Variants in PPCS observed in about 807,000 individuals in gnomAD.
PPCS encodes the protein phosphopantothenoylcysteine synthetase.
In PPCS, 17 loss-of-function variants were observed where a neutral mutation model predicts 24.6. The ratio of observed to expected loss-of-function variants is 0.69; its 90% CI spans 0.47 to 1.04. The LOEUF is 1.04. PPCS is among the 50% of genes least tolerant of loss of function. The probability of loss-of-function intolerance (pLI) is 0.00; values close to 1 mark genes in which losing one functional copy is unlikely to be tolerated. For missense variants in PPCS, 360 were observed against 402.8 expected (o/e 0.89, Z 0.91); for synonymous variants, 190 against 168.3 (o/e 1.13, Z -1.00).
rs565544066 is a variant in PPCS, at chr1:42,457,318, C to T, written c.580C>T (p.His194Tyr). 2 of 1,614,166 alleles carry T rather than the reference C, an allele frequency of 1.2e-6. No homozygotes were observed. The highest frequency in any genetic ancestry group is 1.7e-5 in the Admixed American group (1 of 60,028). The change falls in exon 2 of 3, where the codon CAC (histidine) becomes TAC (tyrosine). Residue 194 changes from histidine to tyrosine, a missense_variant. Physicochemically the swap from His to Tyr is moderately conservative, Grantham distance 83. Transcript: ENST00000372561. The stretch of plus-strand genomic sequence containing the variant: ...TGTTCCTGTCTCTGAAATGCCTGAA[C>T]ACAAGATCCAGTCATCTGGGGGCCC... ...FYVPVSEMPEHKIQSSGGPLQ... is the reference protein window; with the variant it reads ...FYVPVSEMPEYKIQSSGGPLQ...
At chr1:42,471,245 A>G (rs1258671094) in intron 2 of PPCS, among the ~76,000 whole-genome samples, 1 of 152,146 alleles carries the variant, frequency 6.6e-6, no homozygotes, top group African/African-American at 2.4e-5. Flanking sequence ...GTATTTTCCA[A>G]TATCCTGATC....
downstream of PPCS, among the ~76,000 whole-genome samples, chr1:42,465,015 GA>G (rs1185190611): frequency 6.6e-6 from 1 of 152,082 alleles, no homozygotes; most frequent in Non-Finnish European, 1.5e-5. Flanking sequence ...CCTAACTCTT[GA>G]AAAAAGTGTT....
rs755339358 is a variant in PPCS at position 42,459,832 on chromosome 1, C to A, written c.842C>A (p.Ser281Ter). ...TKDSETKLLL[S>*]EEEIEKGVEI... ...GACTCGGAAACCAAGTTATTGCTAT[C>A]AGAGGAAGAAATAGAAAAAGGCGTA... Residue 281 changes from serine (S) to a stop codon, truncating the protein, a stop_gained, in exon 3 of 3, where the codon TCA becomes TAA. Transcript: ENST00000372561. LOFTEE classifies it high-confidence loss of function. The A allele has an allele frequency of 6.2e-7, 1 of 1,614,040 alleles. No individual in the cohort carries two copies. Among genetic ancestry groups the A allele is most frequent in the South Asian group, 1.1e-5 (1 of 91,068 alleles).
In PPCS at chr1:42,460,736, C is replaced by T. The variant is rs1643388515; in HGVS notation, c.*810C>T. Among the ~76,000 whole-genome samples, 1 of 152,118 alleles carries T rather than the reference C, an allele frequency of 6.6e-6. No individual in the cohort carries two copies. Among genetic ancestry groups the T allele is most frequent in the Non-Finnish European group, 1.5e-5 (1 of 68,034 alleles). On this transcript the variant is annotated 3_prime_UTR_variant, in exon 3 of 3. Transcript: ENST00000372561. ...CACCTATTAGCTTTATAAACTTAGG[C>T]ATTTGACTTAATCTCAGTGTCCACA...
chr1:42,463,315 T>A (rs909423290), downstream of PPCS: 2 of 152,246 alleles, frequency 1.3e-5, no homozygotes, highest in African/African-American at 4.8e-5. Flanking sequence ...CGTAGGCACC[T>A]GCAGCTAGCA....
At chr1:42,462,332 T>C (rs1045534201), downstream of PPCS, among the ~76,000 whole-genome samples, 1 of 152,144 alleles carries the variant, frequency 6.6e-6, no homozygotes, top group African/African-American at 2.4e-5. Flanking sequence ...GATCAAGGAA[T>C]GTCTCCCTGA....
downstream of PPCS, among the ~76,000 whole-genome samples, chr1:42,461,322 C>A (rs1358480755): frequency 6.6e-6 from 1 of 152,138 alleles, no homozygotes; most frequent in Non-Finnish European, 1.5e-5. Flanking sequence ...GTTCTGGAAG[C>A]AGCAGTCCCT....
At chr1:42,472,226 C>A (rs1056578189) in intron 2 of PPCS, among the ~76,000 whole-genome samples, 4 of 152,116 alleles carry the variant, frequency 2.6e-5, no homozygotes, top group African/African-American at 4.8e-5. Context: ...GCACTCCAGC[C>A]TGGGCAACAG....
Position 42,456,737 on chromosome 1 carries a change from G to A in PPCS, c.172G>A (p.Asp58Asn). 1 of 1,610,874 alleles carries A rather than the reference G, an allele frequency of 6.2e-7. No homozygotes were observed. The highest frequency in any genetic ancestry group is 8.5e-7 in the Non-Finnish European group (1 of 1,179,432). ...PLEARPVRFLDNFSSGRRGAT... is the reference protein window; with the variant it reads ...PLEARPVRFLNNFSSGRRGAT... Reference sequence around the variant, plus strand: ...GGAAGCGCGGCCGGTGCGCTTCCTGGACAACTTCAGCAGCGGGCGGCGCGG... The same window carrying A: ...GGAAGCGCGGCCGGTGCGCTTCCTGAACAACTTCAGCAGCGGGCGGCGCGG... Residue 58 changes from aspartate to asparagine, a missense_variant, in exon 1 of 3, where the codon GAC becomes AAC. Asp to Asn is a conservative substitution (Grantham distance 23, BLOSUM62 1). Transcript: ENST00000372561.
At position 42,459,996 on chromosome 1, in the gene PPCS, CATGGCTTTCAT is replaced by C; in HGVS notation, c.*75_*85del. On this transcript the variant is annotated 3_prime_UTR_variant, in exon 3 of 3. Transcript: ENST00000372561. ...AGATGGTGAAAACTACAAAAAAAACCATGGCTTTCATATGGACAGATAAAATGAAAGAAAGG... is the reference window on the plus strand; with the variant it reads ...AGATGGTGAAAACTACAAAAAAAACCATGGACAGATAAAATGAAAGAAAGG... The C allele has an allele frequency of 6.7e-7, 1 of 1,501,842 alleles. No individual in the cohort carries two copies. The highest frequency in any genetic ancestry group is 8.8e-7 in the Non-Finnish European group (1 of 1,134,170). The allele number at this position is 1,501,842 out of a possible 1,614,324, so 93.0% of individuals were successfully genotyped here.
chr1:42,473,015 A>G, intron 2 of PPCS: 1 of 1,028,560 alleles, frequency 9.7e-7, no homozygotes, highest in Non-Finnish European at 1.2e-6. Flanking sequence ...TACCCTAAAG[A>G]CTAGTACTCT....
chr1:42,471,548 T>C (rs902255191), intron 2 of PPCS, among the ~76,000 whole-genome samples: 1 of 152,206 alleles, frequency 6.6e-6, no homozygotes, highest in African/African-American at 2.4e-5. Flanking sequence ...TGCCAAATAG[T>C]CCTCATAGGA....
At chr1:42,456,452 A>C, upstream of PPCS, 1 of 1,132,806 alleles carries the variant, frequency 8.8e-7, no homozygotes. Flanking sequence ...TAGTGTCAAA[A>C]GAAGGGTAGT....
chr1:42,460,131 G>T lies in PPCS; in HGVS notation c.*205G>T. 2 of 1,310,970 alleles carry T rather than the reference G, an allele frequency of 1.5e-6. No individual in the cohort carries two copies. Among genetic ancestry groups the T allele is most frequent in the Non-Finnish European group, 1.9e-6 (2 of 1,033,336 alleles). The allele number at this position is 1,310,970 out of a possible 1,614,324, so 81.2% of individuals were successfully genotyped here. ...GATTTTGAAATTGAACACTAGAACTGTTAATCACCTTTAAAAAGAAGAGCT... is the reference window on the plus strand; with the variant it reads ...GATTTTGAAATTGAACACTAGAACTTTTAATCACCTTTAAAAAGAAGAGCT... On this transcript the variant is annotated 3_prime_UTR_variant, in exon 3 of 3. Coordinates refer to ENST00000372561, the MANE Select transcript of PPCS (RefSeq NM_024664.4).
chr1:42,473,065 A>T, intron 2 of PPCS: 2 of 1,219,518 alleles, frequency 1.6e-6, no homozygotes, highest in Non-Finnish European at 2.0e-6. Flanking sequence ...GATATCTTGC[A>T]TCCTCAGTTG....
At chr1:42,471,608 C>T (rs1048769983) in intron 2 of PPCS, among the ~76,000 whole-genome samples, 4 of 152,164 alleles carry the variant, frequency 2.6e-5, no homozygotes, top group Non-Finnish European at 5.9e-5. Flanking sequence ...GGACTAAAAC[C>T]ACAAATAACT....
At chr1:42,463,923 C>T (rs1453552806), downstream of PPCS, 1 of 152,214 alleles carries the variant, frequency 6.6e-6, no homozygotes, top group African/African-American at 2.4e-5. Flanking sequence ...GCCTTTCAAG[C>T]TACAACTTTT....
At chr1:42,457,635 G>A (rs551986137) in intron 2 of PPCS, 3 of 427,966 alleles carry the variant, frequency 7.0e-6, no homozygotes, top group East Asian at 4.4e-5. Context: ...GCTTCTTGGA[G>A]GAGATGAATT....
In PPCS at chr1:42,456,826, C is replaced by T. The variant is rs368574856; in HGVS notation, c.261C>T (p.Arg87=). The T allele has an allele frequency of 8.7e-6, 14 of 1,613,498 alleles. No homozygotes were observed. The highest frequency in any genetic ancestry group is 1.6e-4 in the Middle Eastern group (1 of 6,062). ...GYGVLFLYRA[R]SAFPYAHRFP... is the part of the protein sequence containing the mutation. ...GGGTCCTGTTCTTGTATCGCGCTCG[C>T]TCTGCCTTCCCCTATGCCCACCGCT... The change falls in exon 1 of 3, where the codon CGC becomes CGT. Residue 87 remains arginine, a synonymous_variant. Transcript: ENST00000372561.
Sources: allele counts gnomAD v4.1 joint callset (sites outside exome capture counted in the v4.1 genomes callset), GRCh38; gene constraint gnomAD v4.1.1; transcripts MANE v1.5; gene names NCBI Gene and HGNC (gene_info 2026-07-23, HGNC 2026-07-21).